The following UBE2G1 variants were observed in gnomAD, a reference collection of about 807,000 sequenced individuals.
UBE2G1 encodes the protein ubiquitin-conjugating enzyme E2 G1.
A neutral mutation model predicts 22.7 loss-of-function variants in UBE2G1; 5 were observed. That is an observed-to-expected ratio of 0.22 (90% CI 0.12 to 0.46). The LOEUF (loss-of-function observed/expected upper bound fraction) is 0.46, where lower values mean the gene tolerates loss of function less well. Among genes scored for constraint, UBE2G1 ranks in the 20% least tolerant of loss-of-function variants. The pLI, the probability that UBE2G1 is intolerant of heterozygous loss-of-function variation, is 0.99. For missense variants in UBE2G1, 88 were observed against 203.9 expected, an observed-to-expected ratio of 0.43 and a Z score of 3.46; for synonymous variants, 74 against 67.5, an observed-to-expected ratio of 1.10 and a Z score of -0.47.
chr17:4,340,438 G>T (rs903282397), intron 1 of UBE2G1, among the ~76,000 whole-genome samples: 1 of 152,048 alleles, frequency 6.6e-6, no homozygotes, highest in Non-Finnish European at 1.5e-5. Flanking sequence ...CTTTACAACT[G>T]GTCCTAAAAC....
chr17:4,349,345 G>A (rs1036648936), intron 1 of UBE2G1, among the ~76,000 whole-genome samples: 6 of 152,058 alleles, frequency 3.9e-5, no homozygotes, highest in South Asian at 2.1e-4. Flanking sequence ...CTTTAAGGAT[G>A]GTTTAGAGAT....
At chr17:4,333,004 A>C (rs990238150) in intron 1 of UBE2G1, among the ~76,000 whole-genome samples, 1 of 152,202 alleles carries the variant, frequency 6.6e-6, no homozygotes, top group African/African-American at 2.4e-5. Context: ...ATTTACTGAT[A>C]TAGCCCCAGG....
At chr17:4,327,415 T>A (rs1555521993) in intron 1 of UBE2G1, among the ~76,000 whole-genome samples, 1 of 152,126 alleles carries the variant, frequency 6.6e-6, no homozygotes, top group Non-Finnish European at 1.5e-5. Context: ...GAGGTTGTAC[T>A]GAGCCAAGAT....
intron 1 of UBE2G1, among the ~76,000 whole-genome samples, chr17:4,320,759 G>C (rs1271889864): frequency 6.6e-6 from 1 of 151,896 alleles, no homozygotes; most frequent in African/African-American, 2.4e-5. Flanking sequence ...TCAGACTTAG[G>C]CTACACCACC....
At chr17:4,312,709 A>C (rs965059737) in intron 1 of UBE2G1, among the ~76,000 whole-genome samples, 7 of 151,806 alleles carry the variant, frequency 4.6e-5, no homozygotes, top group South Asian at 2.1e-4. Context: ...AAAAAAAAAA[A>C]AAAAAACAAA....
At chr17:4,337,056 A>C (rs1381194320) in intron 1 of UBE2G1, among the ~76,000 whole-genome samples, 1 of 152,188 alleles carries the variant, frequency 6.6e-6, no homozygotes, top group Non-Finnish European at 1.5e-5. Context: ...CTCTCTCCTT[A>C]AATTACTTCA....
At chr17:4,314,538 C>CT (rs1969345780) in intron 1 of UBE2G1, among the ~76,000 whole-genome samples, 1 of 152,080 alleles carries the variant, frequency 6.6e-6, no homozygotes, top group Admixed American at 6.5e-5. Flanking sequence ...TAGTGTGATC[C>CT]TTTTTTATTA....
intron 2 of UBE2G1, chr17:4,302,445 TGAACATCAACTGG>T (rs1277549294): frequency 3.0e-5 from 15 of 502,950 alleles, no homozygotes; most frequent in Non-Finnish European, 6.1e-5. Flanking sequence ...CTGTAGTTCC[TGAACATCAACTGG>T]GAACTGCATA....
intron 1 of UBE2G1, among the ~76,000 whole-genome samples, chr17:4,312,362 G>T (rs1414187914): frequency 6.6e-6 from 1 of 152,170 alleles, no homozygotes; most frequent in Non-Finnish European, 1.5e-5. Context: ...TGCAGGGGAT[G>T]TAACCGAATG....
Position 4,323,392 on chromosome 17 carries a change from G to A in UBE2G1, c.47-16269C>T, listed in dbSNP as rs117548298. On this transcript the variant is annotated intron_variant, in intron 1 of 5. Transcript: ENST00000396981. ...GTTTCTGATGCAGGATGATGATGAA[G>A]ACAAAACTCCTTTAATTAAGGATTT... Among the ~76,000 whole-genome samples, 59 of 152,254 alleles carry A rather than the reference G, an allele frequency of 3.9e-4. 1 individual carries two copies. The East Asian group carries it at 0.011, about 27-fold the overall frequency.
intron 1 of UBE2G1, among the ~76,000 whole-genome samples, chr17:4,340,582 T>A (rs964636635): frequency 1.3e-5 from 2 of 152,136 alleles, no homozygotes; most frequent in Non-Finnish European, 2.9e-5. Flanking sequence ...CGCTTCGCAC[T>A]GCACTTCTCT....
chr17:4,311,657 T>C (rs527796356), intron 1 of UBE2G1, among the ~76,000 whole-genome samples: 3 of 152,144 alleles, frequency 2.0e-5, no homozygotes. Flanking sequence ...TTAAGGGGTA[T>C]AGGGATGGCG....
Position 4,343,638 on chromosome 17 carries a change from G to C in UBE2G1, c.46+22633C>G, listed in dbSNP as rs376459189. Among the ~76,000 whole-genome samples the C allele has an allele frequency of 2.2e-4, 34 of 151,784 alleles. 1 individual carries two copies. Among genetic ancestry groups the C allele is most frequent in the East Asian group, 1.7e-3 (9 of 5,148 alleles). The stretch of plus-strand genomic sequence containing the variant: ...GAGTCTCGCTCTGTCGCCCAGGCTG[G>C]AGTGTGGTGGCGCAATCTCGGCTCA... On this transcript the variant is annotated intron_variant, in intron 1 of 5. Coordinates refer to ENST00000396981, the MANE Select transcript of UBE2G1 (RefSeq NM_003342.5).
At chr17:4,357,436 GTATT>G (rs1171948197) in intron 1 of UBE2G1, among the ~76,000 whole-genome samples, 1 of 136,116 alleles carries the variant, frequency 7.3e-6, no homozygotes, top group Non-Finnish European at 1.5e-5. Flanking sequence ...GTCTTGGAAA[GTATT>G]TATCCCATGC....
intron 4 of UBE2G1, among the ~76,000 whole-genome samples, chr17:4,283,844 G>A (rs1260402708): frequency 6.6e-6 from 1 of 151,996 alleles, no homozygotes; most frequent in Non-Finnish European, 1.5e-5. Flanking sequence ...AATCTGAGAA[G>A]AGCCTGAATA....
intron 4 of UBE2G1, among the ~76,000 whole-genome samples, chr17:4,288,163 AACT>A (rs1366935531): frequency 1.3e-5 from 2 of 152,208 alleles, no homozygotes; most frequent in African/African-American, 4.8e-5. Flanking sequence ...GTGTTCATTT[AACT>A]AATACATTTT....
At chr17:4,302,310 G>A in intron 2 of UBE2G1, 1 of 473,542 alleles carries the variant, frequency 2.1e-6, no homozygotes, top group Non-Finnish European at 4.3e-6. Context: ...GGTTCTGCGT[G>A]TGGTTGCAGC....
At chr17:4,357,432 G>A (rs1387557282) in intron 1 of UBE2G1, among the ~76,000 whole-genome samples, 1 of 138,930 alleles carries the variant, frequency 7.2e-6, no homozygotes, top group East Asian at 2.3e-4. Flanking sequence ...GGAGGTCTTG[G>A]AAAGTATTTA....
chr17:4,359,868 C>CAAAAAAAAAAAAAAAAAAAAAAA (rs1185201151), intron 1 of UBE2G1, among the ~76,000 whole-genome samples: 2 of 50,322 alleles, frequency 4.0e-5, no homozygotes. Context: ...AAAAAAAAAA[C>CAAAAAAAAAAAAAAAAAAAAAAA]AAACAAAAAA....
Sources: gnomAD v4.1 joint callset for allele counts (sites outside exome capture counted in the v4.1 genomes callset) on GRCh38, gnomAD v4.1.1 for gene constraint, MANE v1.5 for transcripts, NCBI Gene and HGNC (gene_info 2026-07-23, HGNC 2026-07-21) for gene names.